Variants in SYN3 observed in about 807,000 individuals in gnomAD.
SYN3 encodes the protein synapsin III, also known as synapsin-3.
A neutral mutation model predicts 65.8 loss-of-function variants in SYN3; 35 were observed. That is an observed-to-expected ratio of 0.53 (90% CI 0.41 to 0.70). SYN3 has a LOEUF of 0.70. SYN3 is among the 30% of genes least tolerant of loss of function. SYN3 has a pLI of 0.00. For missense variants in SYN3, 680 were observed against 749.0 expected (o/e 0.91, Z 1.08); for synonymous variants, 270 against 292.9 (o/e 0.92, Z 0.80).
chr22:32,852,199 A>G (rs2048237431), intron 6 of SYN3, among the ~76,000 whole-genome samples: 1 of 152,244 alleles, frequency 6.6e-6, no homozygotes. Flanking sequence ...TGTTAAGATT[A>G]TATGGCCACA....
At chr22:32,555,457 G>C (rs1208802880) in intron 7 of SYN3, among the ~76,000 whole-genome samples, 1 of 152,210 alleles carries the variant, frequency 6.6e-6, no homozygotes, top group Non-Finnish European at 1.5e-5. Context: ...TCACCCTGCT[G>C]AGTTTCTCTC....
At chr22:32,934,065 T>C (rs1324826662) in intron 3 of SYN3, among the ~76,000 whole-genome samples, 1 of 152,174 alleles carries the variant, frequency 6.6e-6, no homozygotes, top group Non-Finnish European at 1.5e-5. Flanking sequence ...TAGTAAATAG[T>C]GGTAATGGCC....
intron 6 of SYN3, among the ~76,000 whole-genome samples, chr22:32,780,774 A>G (rs1357062293): frequency 2.6e-5 from 4 of 152,148 alleles, no homozygotes; most frequent in Non-Finnish European, 5.9e-5. Context: ...GGTAATAATA[A>G]TATTAACCAC....
At chr22:32,865,639 C>T (rs141015250) in intron 5 of SYN3, among the ~76,000 whole-genome samples, 2 of 152,318 alleles carry the variant, frequency 1.3e-5, no homozygotes, top group African/African-American at 4.8e-5. Flanking sequence ...TTTCCAACAG[C>T]TCAAGCCACA....
At chr22:32,816,443 G>A (rs1208098888) in intron 6 of SYN3, among the ~76,000 whole-genome samples, 1 of 152,170 alleles carries the variant, frequency 6.6e-6, no homozygotes, top group East Asian at 1.9e-4. Context: ...TTTGGACTGA[G>A]GTTATATGAG....
chr22:33,030,534 A>T (rs1371919579), intron 1 of SYN3, among the ~76,000 whole-genome samples: 1 of 151,904 alleles, frequency 6.6e-6, no homozygotes, highest in African/African-American at 2.4e-5. Context: ...ATACAAAGAG[A>T]CCCACAGAGA....
intron 6 of SYN3, among the ~76,000 whole-genome samples, chr22:32,630,399 C>G (rs150651696): frequency 1.1e-3 from 162 of 152,212 alleles, no homozygotes; most frequent in African/African-American, 3.5e-3. Context: ...CTGTTCCTGG[C>G]CTTATTATTG....
At chr22:32,995,919 G>C (rs1463964503) in intron 2 of SYN3, among the ~76,000 whole-genome samples, 1 of 152,068 alleles carries the variant, frequency 6.6e-6, no homozygotes, top group East Asian at 1.9e-4. Context: ...CCAAAGTGCT[G>C]AGATTACAGG....
intron 6 of SYN3, among the ~76,000 whole-genome samples, chr22:32,798,264 C>T (rs1411089583): frequency 6.6e-6 from 1 of 152,028 alleles, no homozygotes; most frequent in Non-Finnish European, 1.5e-5. Flanking sequence ...AAGACTCAAA[C>T]GAATCTGTCT....
At chr22:32,975,696 T>C (rs2052165314) in intron 3 of SYN3, among the ~76,000 whole-genome samples, 1 of 152,248 alleles carries the variant, frequency 6.6e-6, no homozygotes, top group Non-Finnish European at 1.5e-5. Context: ...TAATCTGGCG[T>C]ATTCTCTCTC....
At chr22:32,660,854 C>G (rs1295998390) in intron 6 of SYN3, among the ~76,000 whole-genome samples, 3 of 137,022 alleles carry the variant, frequency 2.2e-5, no homozygotes, top group Non-Finnish European at 1.5e-5. Context: ...AGACTCTCAC[C>G]TAAGGACCAC....
At chr22:32,632,656 G>C (rs941190825) in intron 6 of SYN3, among the ~76,000 whole-genome samples, 1 of 152,168 alleles carries the variant, frequency 6.6e-6, no homozygotes, top group Non-Finnish European at 1.5e-5. Flanking sequence ...TAGGGGCAGA[G>C]CAAAGGCCCT....
At chr22:32,714,762 T>C (rs910365991) in intron 6 of SYN3, among the ~76,000 whole-genome samples, 2 of 152,224 alleles carry the variant, frequency 1.3e-5, no homozygotes, top group Non-Finnish European at 2.9e-5. Flanking sequence ...CCTGGCTGTA[T>C]GAAATTGGAA....
chr22:32,873,488 G>A (rs1288099597), intron 4 of SYN3, among the ~76,000 whole-genome samples: 5 of 152,152 alleles, frequency 3.3e-5, no homozygotes, highest in South Asian at 2.1e-4. Context: ...ATGTGCCCTC[G>A]TTGTTGGGGG....
At chr22:32,621,859 T>A (rs1286542507) in intron 6 of SYN3, among the ~76,000 whole-genome samples, 1 of 152,110 alleles carries the variant, frequency 6.6e-6, no homozygotes, top group Non-Finnish European at 1.5e-5. Flanking sequence ...TTCACCCAGC[T>A]AAGAAGTGGA....
rs546343477 is a variant in SYN3, at chr22:32,509,654, C to T, written c.*4038G>A. 4.8e-4 allele frequency among the ~76,000 whole-genome samples: 73 copies of T among 151,998 alleles called. No homozygotes were observed. Among genetic ancestry groups the T allele is most frequent in the Admixed American group, 1.3e-3 (20 of 15,278 alleles). On this transcript the variant is annotated 3_prime_UTR_variant, in exon 14 of 14. Coordinates refer to ENST00000358763, the MANE Select transcript of SYN3 (RefSeq NM_003490.4). The stretch of plus-strand genomic sequence containing the variant: ...TGCGATCTCGGCTCACTGCAAGCTC[C>T]GCCTCCCGGGTTCACGCCATTCTCC...
At chr22:32,879,512 T>C (rs2049070644) in intron 4 of SYN3, among the ~76,000 whole-genome samples, 1 of 152,146 alleles carries the variant, frequency 6.6e-6, no homozygotes, top group South Asian at 2.1e-4. Flanking sequence ...CATTGCGTCC[T>C]CACATAGTCG....
chr22:33,003,443 T>G (rs1181413384), intron 2 of SYN3, among the ~76,000 whole-genome samples: 2 of 152,198 alleles, frequency 1.3e-5, no homozygotes, highest in Admixed American at 1.3e-4. Context: ...CTGATGGTGA[T>G]ATGGATAATG....
intron 6 of SYN3, among the ~76,000 whole-genome samples, chr22:32,638,912 T>A (rs2059856449): frequency 6.6e-6 from 1 of 152,186 alleles, no homozygotes; most frequent in Non-Finnish European, 1.5e-5. Flanking sequence ...AGAATGGTGT[T>A]TCCTAGGTTT....
Sources: allele counts gnomAD v4.1 joint callset (sites outside exome capture counted in the v4.1 genomes callset), GRCh38; gene constraint gnomAD v4.1.1; transcripts MANE v1.5; gene names NCBI Gene and HGNC (gene_info 2026-07-23, HGNC 2026-07-21).